SLC30A3: variants seen among roughly 807,000 people sequenced by gnomAD.
SLC30A3 encodes the protein solute carrier family 30 member 3, also known as probable proton-coupled zinc antiporter SLC30A3.
SLC30A3 carries 20 observed loss-of-function variants against 35.6 expected under a neutral mutation model. The ratio of observed to expected loss-of-function variants is 0.56; its 90% CI spans 0.39 to 0.82. The LOEUF (loss-of-function observed/expected upper bound fraction) is 0.82. SLC30A3 is among the 40% of genes least tolerant of loss of function. The pLI is 0.00. For synonymous variants in SLC30A3, 217 were observed against 224.7 expected (o/e 0.97, Z 0.31); for missense variants, 401 against 530.6 (o/e 0.76, Z 2.40).
rs954680864 is a variant in SLC30A3 at position 27,254,867 on chromosome 2, G to A, written c.*445C>T. On this transcript the variant is annotated 3_prime_UTR_variant, in exon 8 of 8. Coordinates refer to ENST00000233535, the MANE Select transcript of SLC30A3 (RefSeq NM_003459.5). ...TTTGGGGCCCCTGCATAGACAGAGC[G>A]AGGGCCATGTGGGGAGGGGGCCCCT... 2.9e-5 allele frequency: 10 copies of A among 339,954 alleles called. No homozygotes were observed. The highest frequency in any genetic ancestry group is 4.3e-5 in the African/African-American group (2 of 46,278). 21.1% of individuals were successfully genotyped at this position (339,954 alleles called of 1,614,324 possible). A position where few individuals can be genotyped will look rare whatever the true frequency, so the allele number is the denominator to read the frequency against.
Position 27,257,046 on chromosome 2 carries a change from G to A in SLC30A3, c.777+108C>T. On this transcript the variant is annotated intron_variant, in intron 5 of 7. Transcript: ENST00000233535. This position sits in a 1 kb window ranked among gnomAD's most constrained non-coding sequence, Gnocchi z 4.7. ...ATGTCTGGGAGAGTCCTGGGAGGTG[G>A]GAGGGAGGAGCTGGAGGGAGGAGGA... 1 of 1,229,398 alleles carries A rather than the reference G, an allele frequency of 8.1e-7. No individual in the cohort carries two copies. Among genetic ancestry groups the A allele is most frequent in the Non-Finnish European group, 1.2e-6 (1 of 836,504 alleles). The allele number at this position is 1,229,398 out of a possible 1,614,324, so 76.2% of individuals were successfully genotyped here.
chr2:27,270,134 T>C (rs113940467), intron 1 of SLC30A3, among the ~76,000 whole-genome samples: 4 of 152,242 alleles, frequency 2.6e-5, no homozygotes, highest in African/African-American at 9.6e-5. Context: ...TTTGCATTAA[T>C]GACAATTAAT....
chr2:27,258,843 G>T lies in SLC30A3; in HGVS notation c.187C>A (p.Pro63Thr). 6.2e-7 allele frequency: 1 copy of T among 1,614,212 alleles called. No individual in the cohort carries two copies. Among genetic ancestry groups the T allele is most frequent in the Non-Finnish European group, 8.5e-7 (1 of 1,180,024 alleles). The change falls in exon 2 of 8, where the codon CCG (proline) becomes ACG (threonine). Residue 63 changes from proline (P) to threonine (T), a missense_variant. Transcript: ENST00000233535. The surrounding 1 kb of genome is among the most constrained non-coding windows in gnomAD (Gnocchi z 4.0). Reference sequence around the variant, plus strand: ...TGCAGCCTCTCAGGGGTAAGGCCCGGCGGCGGAAGGGGGTCCCTGTGGCAG... The same window carrying T: ...TGCAGCCTCTCAGGGGTAAGGCCCGTCGGCGGAAGGGGGTCCCTGTGGCAG... ...HHCHRDPLPPPGLTPERLHAR... is the reference protein window; with the variant it reads ...HHCHRDPLPPTGLTPERLHAR...
intron 1 of SLC30A3, among the ~76,000 whole-genome samples, chr2:27,269,327 T>G (rs1677633228): frequency 6.6e-6 from 1 of 150,920 alleles, no homozygotes; most frequent in South Asian, 2.1e-4. Flanking sequence ...TGCCTTAGCC[T>G]CCCGAGTAGC....
intron 1 of SLC30A3, among the ~76,000 whole-genome samples, chr2:27,272,916 C>T (rs1020135055): frequency 6.6e-6 from 1 of 151,264 alleles, no homozygotes; most frequent in African/African-American, 2.4e-5. Context: ...GCTGGGCATG[C>T]TGGTGCATGC....
chr2:27,257,471 G>C lies in SLC30A3; in HGVS notation c.579-119C>G, dbSNP rs896670235. ...AGCCCCTGGAAGAAAACAGCATTTTGCAAGAGAGATAAACAATGCAGCCTG... is the reference window on the plus strand; with the variant it reads ...AGCCCCTGGAAGAAAACAGCATTTTCCAAGAGAGATAAACAATGCAGCCTG... On this transcript the variant is annotated intron_variant, in intron 4 of 7. Transcript: ENST00000233535. This position sits in a 1 kb window ranked among gnomAD's most constrained non-coding sequence, Gnocchi z 4.7. The C allele has an allele frequency of 1.0e-6, 1 of 967,808 alleles. No individual in the cohort carries two copies. The allele number at this position is 967,808 out of a possible 1,614,324, so 60.0% of individuals were successfully genotyped here. A position where few individuals can be genotyped will look rare whatever the true frequency, so the allele number is the denominator to read the frequency against.
In SLC30A3 at chr2:27,271,660, C is replaced by A. The variant is rs532992191; in HGVS notation, c.-159+3517G>T. Among the ~76,000 whole-genome samples the A allele has an allele frequency of 5.8e-4, 88 of 152,322 alleles. No homozygotes were observed. The highest frequency in any genetic ancestry group is 2.0e-3 in the African/African-American group (84 of 41,570). ...CCTGGCTTGTGTGTTCTTCCTAGGA[C>A]TGAGCTGCGTGTGAGAAGAGCCCAG... On this transcript the variant is annotated intron_variant, in intron 1 of 5. Coordinates refer to the SLC30A3 transcript ENST00000424577. The surrounding 1 kb of genome is among the most constrained non-coding windows in gnomAD (Gnocchi z 4.3).
intron 1 of SLC30A3, among the ~76,000 whole-genome samples, chr2:27,259,392 C>G (rs1405709614): frequency 6.6e-6 from 1 of 152,064 alleles, no homozygotes; most frequent in Admixed American, 6.5e-5. Context: ...ACTTGGGAGG[C>G]TGAGGCAGGA....
upstream of SLC30A3, among the ~76,000 whole-genome samples, chr2:27,267,782 A>C (rs1412236256): frequency 6.6e-6 from 1 of 152,028 alleles, no homozygotes; most frequent in Non-Finnish European, 1.5e-5. Context: ...TAAAAATACA[A>C]AAATAAGCCA....
upstream of SLC30A3, among the ~76,000 whole-genome samples, chr2:27,264,760 C>T (rs1473817902): frequency 1.3e-5 from 2 of 152,220 alleles, no homozygotes; most frequent in Non-Finnish European, 2.9e-5. This position sits in a 1 kb window ranked among gnomAD's most constrained non-coding sequence, Gnocchi z 6.1. Context: ...CTCTGTTTCT[C>T]CTCGGGTCAC....
chr2:27,262,975 C>A lies in SLC30A3; in HGVS notation c.-69G>T. 1.4e-6 allele frequency: 2 copies of A among 1,436,622 alleles called. No homozygotes were observed. The highest frequency in any genetic ancestry group is 1.5e-5 in the African/African-American group (1 of 65,798). The allele number at this position is 1,436,622 out of a possible 1,614,324, so 89.0% of individuals were successfully genotyped here. On this transcript the variant is annotated 5_prime_UTR_variant, in exon 1 of 8. Transcript: ENST00000233535. This position sits in a 1 kb window ranked among gnomAD's most constrained non-coding sequence, Gnocchi z 7.5. ...AGGCCGGGCCGGCCCCGCGCCAAGT[C>A]CGAGCAGCCCGCCGACCCCCGGGAT...
At chr2:27,263,938 G>C (rs905787258), upstream of SLC30A3, 2 of 771,618 alleles carry the variant, frequency 2.6e-6, no homozygotes, top group African/African-American at 3.6e-5. Flanking sequence ...CACACCTGCA[G>C]CGCCCTCCTG....
At position 27,257,070 on chromosome 2, in the gene SLC30A3, G is replaced by C; in HGVS notation, c.777+84C>G. On this transcript the variant is annotated intron_variant, in intron 5 of 7. Coordinates refer to ENST00000233535, the MANE Select transcript of SLC30A3 (RefSeq NM_003459.5). This position sits in a 1 kb window ranked among gnomAD's most constrained non-coding sequence, Gnocchi z 4.7. ...GGGAGGGAGGAGCTGGAGGGAGGAGGAAGGAAGCTTTGGGACCTGGGAAGG... is the reference window on the plus strand; with the variant it reads ...GGGAGGGAGGAGCTGGAGGGAGGAGCAAGGAAGCTTTGGGACCTGGGAAGG... 7.2e-7 allele frequency: 1 copy of C among 1,389,840 alleles called. No homozygotes were observed. Among genetic ancestry groups the C allele is most frequent in the East Asian group, 2.3e-5 (1 of 43,788 alleles). The allele number at this position is 1,389,840 out of a possible 1,614,324, so 86.1% of individuals were successfully genotyped here. A position where few individuals can be genotyped will look rare whatever the true frequency, so the allele number is the denominator to read the frequency against.
In SLC30A3 at chr2:27,262,813, T is replaced by G; in HGVS notation, c.94A>C (p.Ser32Arg). The G allele has an allele frequency of 6.4e-7, 1 of 1,567,618 alleles. No homozygotes were observed. Among genetic ancestry groups the G allele is most frequent in the Non-Finnish European group, 8.6e-7 (1 of 1,161,642 alleles). The change falls in exon 1 of 8, where the codon AGT (serine) becomes CGT (arginine). Residue 32 changes from serine (S) to arginine (R), a missense_variant and splice_region_variant. This residue lies in a region of SLC30A3 where 103 missense variants were observed against 120.7 expected (regional missense o/e 0.85). Coordinates refer to ENST00000233535, the MANE Select transcript of SLC30A3 (RefSeq NM_003459.5). This position sits in a 1 kb window ranked among gnomAD's most constrained non-coding sequence, Gnocchi z 7.5. ...AGGGCCAGCCCAGGTCTGTCCTACC[T>G]CTTCAAACGCAGGCTGCCTCCGGCG... ...GGAGGSLRLK[S>R]LFTEPSEPLP...
rs1218007203 is a variant in SLC30A3 at position 27,256,375 on chromosome 2, G to A, written c.1018+11C>T. The A allele has an allele frequency of 2.5e-6, 4 of 1,613,782 alleles. No homozygotes were observed. The South Asian group carries it at 4.4e-5, about 18-fold the overall frequency. On this transcript the variant is annotated intron_variant, in intron 7 of 7. Coordinates refer to ENST00000233535, the MANE Select transcript of SLC30A3 (RefSeq NM_003459.5). ...TCCAGGTAGTAACTAGCTGGGGCCA[G>A]TGTGACTCACCGATGGCCAGGTGTG...
In SLC30A3 at chr2:27,255,231, G is replaced by T. The variant is rs568034141; in HGVS notation, c.*81C>A. On this transcript the variant is annotated 3_prime_UTR_variant, in exon 8 of 8. Coordinates refer to ENST00000233535, the MANE Select transcript of SLC30A3 (RefSeq NM_003459.5). This position sits in a 1 kb window ranked among gnomAD's most constrained non-coding sequence, Gnocchi z 5.2. Reference sequence around the variant, plus strand: ...AGGGGTATGGACCTGGCTCGGTCCCGTCTCTGTGATCAGGGCAGCAGATGC... The same window carrying T: ...AGGGGTATGGACCTGGCTCGGTCCCTTCTCTGTGATCAGGGCAGCAGATGC... The T allele has an allele frequency of 6.2e-7, 1 of 1,608,040 alleles. No homozygotes were observed.
intron 1 of SLC30A3, among the ~76,000 whole-genome samples, chr2:27,269,964 G>T (rs1467441546): frequency 6.6e-6 from 1 of 152,182 alleles, no homozygotes; most frequent in East Asian, 1.9e-4. Context: ...AGAGATGTAG[G>T]AAGAGAACCA....
In SLC30A3 at chr2:27,257,089, G is replaced by A. The variant is rs1676902682; in HGVS notation, c.777+65C>T. On this transcript the variant is annotated intron_variant, in intron 5 of 7. Transcript: ENST00000233535. The surrounding 1 kb of genome is among the most constrained non-coding windows in gnomAD (Gnocchi z 4.7). The stretch of plus-strand genomic sequence containing the variant: ...GAGGAGGAAGGAAGCTTTGGGACCT[G>A]GGAAGGAGTGGGCTGGGATGTGGTT... 1.4e-5 allele frequency: 21 copies of A among 1,507,104 alleles called. No homozygotes were observed. Among genetic ancestry groups the A allele is most frequent in the Middle Eastern group, 1.8e-4 (1 of 5,648 alleles). The allele number at this position is 1,507,104 out of a possible 1,614,324, so 93.4% of individuals were successfully genotyped here. A position where few individuals can be genotyped will look rare whatever the true frequency, so the allele number is the denominator to read the frequency against.
chr2:27,275,064 T>G, intron 1 of SLC30A3: 2 of 557,568 alleles, frequency 3.6e-6, no homozygotes, highest in Non-Finnish European at 6.2e-6. Flanking sequence ...GTCTTCCAGG[T>G]TGTGGAGGTG....
Sources: allele counts gnomAD v4.1 joint callset (sites outside exome capture counted in the v4.1 genomes callset), GRCh38; gene constraint gnomAD v4.1.1; regional missense constraint gnomAD v4.1.1; non-coding constraint Gnocchi (gnomAD v3.1); transcripts MANE v1.5; gene names NCBI Gene and HGNC (gene_info 2026-07-23, HGNC 2026-07-21).